The following EML6 variants were observed in gnomAD, a reference collection of about 807,000 sequenced individuals.
EML6 encodes EMAP like 6, also known as echinoderm microtubule-associated protein-like 6.
EML6 carries 154 observed loss-of-function variants against 240.1 expected under a neutral mutation model. The ratio of observed to expected loss-of-function variants is 0.64; its 90% CI spans 0.56 to 0.73. The LOEUF (loss-of-function observed/expected upper bound fraction) is 0.73. EML6 is among the 30% of genes least tolerant of loss of function. EML6 has a pLI of 0.00. For synonymous variants in EML6, 1,148 were observed against 899.0 expected (o/e 1.28, Z -4.95); for missense variants, 2,964 against 2,474.6 (o/e 1.20, Z -4.20).
chr2:54,963,583 T>C (rs1272358200), intron 36 of EML6, among the ~76,000 whole-genome samples: 2 of 152,228 alleles, frequency 1.3e-5, no homozygotes, highest in Non-Finnish European at 2.9e-5. Context: ...AAAGAAGAGG[T>C]TGGCAATCTA....
intron 2 of EML6, among the ~76,000 whole-genome samples, chr2:54,754,038 G>A (rs1329485820): frequency 1.3e-5 from 2 of 151,802 alleles, no homozygotes; most frequent in African/African-American, 4.8e-5. Context: ...GGGAGGCTGA[G>A]GCAGGAGAAT....
intron 4 of EML6, among the ~76,000 whole-genome samples, chr2:54,817,920 G>A (rs1668150738): frequency 1.3e-5 from 2 of 151,772 alleles, no homozygotes; most frequent in South Asian, 4.1e-4. Context: ...GCTCAGGAGT[G>A]ACCAACAATA....
rs532444360 is a variant in EML6 at position 54,841,256 on chromosome 2, A to G, written c.848-2791A>G. On this transcript the variant is annotated intron_variant, in intron 7 of 41. Coordinates refer to ENST00000356458, the MANE Select transcript of EML6 (RefSeq NM_001039753.4). ...CCCATCCTGATGTTTGCAGTGGAGG[A>G]TTTTGATTAATTGACCCTGAACTAC... Among the ~76,000 whole-genome samples the G allele has an allele frequency of 1.1e-4, 16 of 152,258 alleles. No homozygotes were observed. In the South Asian group the frequency reaches 3.3e-3, roughly 32 times the overall value.
At chr2:54,812,271 C>A (rs555977046) in intron 2 of EML6, among the ~76,000 whole-genome samples, 1 of 151,922 alleles carries the variant, frequency 6.6e-6, no homozygotes, top group Non-Finnish European at 1.5e-5. Flanking sequence ...ACATGCAAAT[C>A]CAGTGTCTGA....
intron 11 of EML6, among the ~76,000 whole-genome samples, chr2:54,856,107 A>G (rs1461146078): frequency 6.6e-6 from 1 of 152,226 alleles, no homozygotes; most frequent in Non-Finnish European, 1.5e-5. Context: ...AGTGTTCTGC[A>G]GTTAATGAAA....
chr2:54,934,833 G>A (rs569573808), intron 28 of EML6, among the ~76,000 whole-genome samples: 105 of 152,240 alleles, frequency 6.9e-4, no homozygotes, highest in Non-Finnish European at 1.4e-3. Flanking sequence ...TTCCAGGTGT[G>A]AGCCACCATG....
intron 32 of EML6, among the ~76,000 whole-genome samples, chr2:54,957,006 T>C (rs1397037782): frequency 6.6e-6 from 1 of 152,204 alleles, no homozygotes; most frequent in East Asian, 1.9e-4. Flanking sequence ...CTACTACTAA[T>C]ACTGGCTAAC....
In EML6 at chr2:54,962,525, A is replaced by T. The variant is rs780503844; in HGVS notation, c.4971A>T (p.Gly1657=). 2 of 1,542,368 alleles carry T rather than the reference A, an allele frequency of 1.3e-6. No homozygotes were observed. The highest frequency in any genetic ancestry group is 1.8e-6 in the Non-Finnish European group (2 of 1,142,454). Residue 1657 remains glycine, a splice_region_variant and synonymous_variant, in exon 36 of 42, where the codon GGA becomes GGT. Coordinates refer to ENST00000356458, the MANE Select transcript of EML6 (RefSeq NM_001039753.4). ...TAATAGTGTTTCAATTACAACAGGG[A>T]AAAATCTTAGTGGGAACCAAAGACG... ...ECVRSVCRGK[G]KILVGTKDGE... is the part of the protein sequence containing the mutation.
chr2:54,943,838 C>T (rs999390650), intron 28 of EML6, among the ~76,000 whole-genome samples: 1 of 152,152 alleles, frequency 6.6e-6, no homozygotes, highest in Non-Finnish European at 1.5e-5. Flanking sequence ...AAAAACTTTT[C>T]AGTAGGACTT....
intron 7 of EML6, among the ~76,000 whole-genome samples, chr2:54,835,729 C>T (rs956371640): frequency 6.6e-6 from 1 of 152,198 alleles, no homozygotes; most frequent in African/African-American, 2.4e-5. Context: ...GGACATTTGG[C>T]AGTGTCTGGA....
intron 2 of EML6, among the ~76,000 whole-genome samples, chr2:54,731,621 A>AAT (rs1553367452): frequency 2.9e-4 from 44 of 151,562 alleles, no homozygotes; most frequent in African/African-American, 8.0e-4. Context: ...TGTCAAAAAA[A>AAT]ATATATATAT....
chr2:54,870,414 A>G (rs1424118427), intron 15 of EML6, among the ~76,000 whole-genome samples: 2 of 151,610 alleles, frequency 1.3e-5, no homozygotes, highest in South Asian at 2.1e-4. Flanking sequence ...GAAAAGGTAT[A>G]TTTGGGGGAA....
At chr2:54,897,926 G>A (rs1672854411) in intron 21 of EML6, among the ~76,000 whole-genome samples, 1 of 152,168 alleles carries the variant, frequency 6.6e-6, no homozygotes, top group Non-Finnish European at 1.5e-5. Flanking sequence ...GAACTGTAGA[G>A]GCAGTGTGAG....
intron 2 of EML6, among the ~76,000 whole-genome samples, chr2:54,807,874 C>T (rs1457864553): frequency 6.6e-6 from 1 of 152,184 alleles, no homozygotes; most frequent in African/African-American, 2.4e-5. Flanking sequence ...CACTGTATGG[C>T]TGTATTTTTA....
At position 54,844,207 on chromosome 2, in the gene EML6, G is replaced by T; in HGVS notation, c.1008G>T (p.Lys336Asn). 2 of 1,551,714 alleles carry T rather than the reference G, an allele frequency of 1.3e-6. No individual in the cohort carries two copies. The change falls in exon 8 of 42, where the codon AAG (lysine) becomes AAT (asparagine). Residue 336 changes from lysine (K) to asparagine (N), a missense_variant. Lys to Asn is a moderately conservative substitution (Grantham distance 94). Transcript: ENST00000356458. ...GELWALALHP[K>N]KPLAVTGSDD... ...TCTGGGCTCTGGCCCTGCACCCCAA[G>T]AAGCCTCTGGCTGTGACAGGCAGCG...
intron 28 of EML6, among the ~76,000 whole-genome samples, chr2:54,941,709 T>C (rs986887930): frequency 8.5e-5 from 13 of 152,230 alleles, no homozygotes; most frequent in Non-Finnish European, 1.8e-4. Flanking sequence ...TGCAGTTGCA[T>C]GTGTGTTGTT....
At chr2:54,736,699 C>T (rs1303407582) in intron 2 of EML6, among the ~76,000 whole-genome samples, 1 of 152,192 alleles carries the variant, frequency 6.6e-6, no homozygotes, top group Non-Finnish European at 1.5e-5. Context: ...AGCTGATCAC[C>T]TTCTCCTCAG....
In EML6 at chr2:54,873,095, C is replaced by T. The variant is rs561434209; in HGVS notation, c.2344+1490C>T. Reference sequence around the variant, plus strand: ...TGAACAAATGAGGTTCTGCTTAATGCACTTTGTCTTGCCTTTCCCTATTAC... The same window carrying T: ...TGAACAAATGAGGTTCTGCTTAATGTACTTTGTCTTGCCTTTCCCTATTAC... On this transcript the variant is annotated intron_variant, in intron 16 of 41. Transcript: ENST00000356458. Among the ~76,000 whole-genome samples, 3 of 152,338 alleles carry T rather than the reference C, an allele frequency of 2.0e-5. No individual in the cohort carries two copies. The East Asian group carries it at 5.8e-4, about 29-fold the overall frequency.
intron 28 of EML6, among the ~76,000 whole-genome samples, chr2:54,947,017 A>T (rs144642078): frequency 6.6e-6 from 1 of 151,856 alleles, no homozygotes; most frequent in Non-Finnish European, 1.5e-5. Context: ...CGCATACTCT[A>T]TATTCACTGT....
Sources: gnomAD v4.1 joint callset for allele counts (sites outside exome capture counted in the v4.1 genomes callset) on GRCh38, gnomAD v4.1.1 for gene constraint, MANE v1.5 for transcripts, NCBI Gene and HGNC (gene_info 2026-07-23, HGNC 2026-07-21) for gene names.